RAB5A: variants seen among roughly 807,000 people sequenced by gnomAD.
RAB5A encodes the protein ras-related protein Rab-5A.
Under a neutral mutation model 25.7 loss-of-function variants are expected in RAB5A, and 8 were observed. That is an observed-to-expected ratio of 0.31 (90% CI 0.18 to 0.56). The LOEUF (loss-of-function observed/expected upper bound fraction) is 0.56. RAB5A is among the 20% of genes least tolerant of loss of function. RAB5A has a pLI of 0.91. For missense variants in RAB5A, 192 were observed against 259.7 expected, an observed-to-expected ratio of 0.74 and a Z score of 1.79; for synonymous variants, 98 against 89.8, an observed-to-expected ratio of 1.09 and a Z score of -0.52.
intron 2 of RAB5A, among the ~76,000 whole-genome samples, chr3:19,952,981 A>T (rs978666646): frequency 6.6e-6 from 1 of 152,280 alleles, no homozygotes; most frequent in African/African-American, 2.4e-5. Context: ...CCCAAAGTAT[A>T]TGTGCATTCT....
intron 2 of RAB5A, among the ~76,000 whole-genome samples, chr3:19,955,525 T>C (rs557470514): frequency 6.6e-6 from 1 of 152,332 alleles, no homozygotes; most frequent in South Asian, 2.1e-4. Flanking sequence ...GATTTTACAT[T>C]GGTACTAACA....
At chr3:19,980,365 C>T (rs4858626) in intron 5 of RAB5A, among the ~76,000 whole-genome samples, 109,378 of 151,876 alleles carry the variant, frequency 0.72, 40,052 homozygotes, top group Non-Finnish European at 0.77. Flanking sequence ...TTTCTGAAAT[C>T]AGAATGTTGC....
chr3:19,979,498 G>A (rs1696881956), intron 5 of RAB5A, among the ~76,000 whole-genome samples: 1 of 150,834 alleles, frequency 6.6e-6, no homozygotes, highest in African/African-American at 2.4e-5. Context: ...TGTTAGCCAG[G>A]ATGGTCTCAA....
intron 2 of RAB5A, among the ~76,000 whole-genome samples, chr3:19,961,538 A>G (rs897458142): frequency 6.6e-6 from 1 of 152,244 alleles, no homozygotes; most frequent in Non-Finnish European, 1.5e-5. Context: ...ACAAAAGAAT[A>G]TAAGACGATT....
chr3:19,976,024 A>AT (rs1696819918), intron 3 of RAB5A, 23 bp from the exon 4 acceptor site: 2 of 1,602,494 alleles, frequency 1.2e-6, no homozygotes, highest in East Asian at 4.5e-5. Context: ...CCTGTGCTCA[A>AT]TGGCTGTTTC....
chr3:19,972,423 G>A (rs925641118), intron 2 of RAB5A, among the ~76,000 whole-genome samples: 4 of 152,192 alleles, frequency 2.6e-5, no homozygotes, highest in Admixed American at 2.6e-4. Flanking sequence ...TTATTACACA[G>A]AGAACTCTGG....
At position 19,975,747 on chromosome 3, in the gene RAB5A, A is replaced by G; in HGVS notation, c.310A>G (p.Asn104Asp). 6.2e-7 allele frequency: 1 copy of G among 1,610,798 alleles called. No individual in the cohort carries two copies. Among genetic ancestry groups the G allele is most frequent in the Non-Finnish European group, 8.5e-7 (1 of 1,178,790 alleles). ...AGCCATAGTTGTATATGATATCACA[A>G]ATGAGGTAAGTATGGATGCATTCCA... The part of the protein sequence containing the change: ...QAAIVVYDIT[N>D]EESFARAKNW... Residue 104 changes from asparagine (N) to aspartate (D), a missense_variant, in exon 3 of 6, where the codon AAT (asparagine) becomes GAT (aspartate). Asn to Asp is a conservative substitution (Grantham distance 23, BLOSUM62 1). Transcript: ENST00000273047.
chr3:19,983,639 GA>G, intron 5 of RAB5A, 68 bp from the exon 6 acceptor site: 2 of 1,010,472 alleles, frequency 2.0e-6, no homozygotes, highest in Non-Finnish European at 3.0e-6. Context: ...AAAAATTATA[GA>G]TAAGCAGGTG....
Position 19,985,159 on chromosome 3 carries a change from AGT to A in RAB5A, c.*1338_*1339del. On this transcript the variant is annotated 3_prime_UTR_variant, in exon 6 of 6. Transcript: ENST00000273047. ...TATTGAGGTGCTCAGGTTGGAATAA[AGT>A]GGTATAAAAAGCAAGTATCGGCTTT... 2.1e-6 allele frequency: 1 copy of A among 472,280 alleles called. No individual in the cohort carries two copies. The highest frequency in any genetic ancestry group is 3.7e-6 in the Non-Finnish European group (1 of 270,456). 29.3% of individuals were successfully genotyped at this position (472,280 alleles called of 1,614,324 possible). A position where few individuals can be genotyped will look rare whatever the true frequency, so the allele number is the denominator to read the frequency against.
chr3:19,947,958 C>T (rs1434045245), intron 1 of RAB5A: 2 of 152,238 alleles, frequency 1.3e-5, no homozygotes, highest in South Asian at 2.1e-4. Context: ...CTCAGGTGCT[C>T]TCCAAGCAGG....
rs117053266 is a variant in RAB5A, at chr3:19,982,005, G to A, written c.533-1703G>A. ...CTCCTATAATCCCAATACTTTGAGA[G>A]GCCACGGTGGGATGATCTTCAAGGC... On this transcript the variant is annotated intron_variant, in intron 5 of 5. Transcript: ENST00000273047. Among the ~76,000 whole-genome samples, 434 of 152,126 alleles carry A rather than the reference G, an allele frequency of 2.9e-3. 22 individuals carry two copies. In the East Asian group the frequency reaches 0.075, roughly 26 times the overall value.
intron 2 of RAB5A, among the ~76,000 whole-genome samples, chr3:19,973,449 T>C (rs934262555): frequency 2.0e-5 from 3 of 152,154 alleles, no homozygotes; most frequent in Admixed American, 6.5e-5. Flanking sequence ...TGACTTATTT[T>C]CCTCTTTTCC....
At chr3:19,978,259 G>A (rs1256214692) in intron 4 of RAB5A, 51 bp from the exon 5 acceptor site, 6 of 1,178,570 alleles carry the variant, frequency 5.1e-6, no homozygotes, top group South Asian at 3.7e-5. Flanking sequence ...CAGGTGTAGT[G>A]TATTTCCAAG....
At chr3:19,966,475 A>G (rs897312413) in intron 2 of RAB5A, among the ~76,000 whole-genome samples, 1 of 152,182 alleles carries the variant, frequency 6.6e-6, no homozygotes, top group Non-Finnish European at 1.5e-5. Context: ...TTTAGCTGTT[A>G]TGAATAATGT....
intron 2 of RAB5A, among the ~76,000 whole-genome samples, chr3:19,968,752 T>G (rs1434990467): frequency 6.6e-6 from 1 of 151,968 alleles, no homozygotes; most frequent in Non-Finnish European, 1.5e-5. Flanking sequence ...CATGAGCCAC[T>G]GTGCCCGGCC....
At position 19,984,301 on chromosome 3, in the gene RAB5A, A is replaced by G. The variant is rs1207929907; in HGVS notation, c.*478A>G. On this transcript the variant is annotated 3_prime_UTR_variant, in exon 6 of 6. Coordinates refer to ENST00000273047, the MANE Select transcript of RAB5A (RefSeq NM_004162.5). Reference sequence around the variant, plus strand: ...AATGTTCATTTCTCCTGGTACCTGTATTTAAAATGTACATTCCACATTTTA... The same window carrying G: ...AATGTTCATTTCTCCTGGTACCTGTGTTTAAAATGTACATTCCACATTTTA... 1 of 427,730 alleles carries G rather than the reference A, an allele frequency of 2.3e-6. No individual in the cohort carries two copies. Among genetic ancestry groups the G allele is most frequent in the East Asian group, 7.4e-5 (1 of 13,496 alleles). The allele number at this position is 427,730 out of a possible 1,614,324, so 26.5% of individuals were successfully genotyped here.
chr3:19,968,542 T>A (rs909325826), intron 2 of RAB5A, among the ~76,000 whole-genome samples: 4 of 152,210 alleles, frequency 2.6e-5, no homozygotes, highest in Admixed American at 2.6e-4. Context: ...CACTGCAACC[T>A]CCGCCTCCAG....
chr3:19,970,152 G>A (rs1262541811), intron 2 of RAB5A, among the ~76,000 whole-genome samples: 3 of 151,918 alleles, frequency 2.0e-5, no homozygotes, highest in Non-Finnish European at 4.4e-5. Context: ...CACCCACCTC[G>A]GCCTCCCAAA....
chr3:19,957,830 A>G (rs909640634), intron 2 of RAB5A, among the ~76,000 whole-genome samples: 3 of 152,196 alleles, frequency 2.0e-5, no homozygotes, highest in African/African-American at 7.2e-5. Flanking sequence ...TCATGTTAAT[A>G]TACATATGTA....
Sources: allele counts gnomAD v4.1 joint callset (sites outside exome capture counted in the v4.1 genomes callset), GRCh38; gene constraint gnomAD v4.1.1; transcripts MANE v1.5; gene names NCBI Gene and HGNC (gene_info 2026-07-23, HGNC 2026-07-21).